The following MACROD2 variants were observed in gnomAD, a reference collection of about 807,000 sequenced individuals.
MACROD2 encodes mono-ADP ribosylhydrolase 2.
A neutral mutation model predicts 70.4 loss-of-function variants in MACROD2; 36 were observed. The ratio of observed to expected loss-of-function variants is 0.51; its 90% CI spans 0.39 to 0.68. The LOEUF is 0.68. Among genes scored for constraint, MACROD2 ranks in the 30% least tolerant of loss-of-function variants. The pLI, the probability that MACROD2 is intolerant of heterozygous loss-of-function variation, is 0.00. For synonymous variants in MACROD2, 172 were observed against 178.8 expected (o/e 0.96, Z 0.30); for missense variants, 496 against 538.4 (o/e 0.92, Z 0.78).
At chr20:14,864,075 A>G (rs892850456) in intron 5 of MACROD2, among the ~76,000 whole-genome samples, 2 of 152,066 alleles carry the variant, frequency 1.3e-5, no homozygotes, top group African/African-American at 4.8e-5. Context: ...TTAGGTGTCC[A>G]TTTTCTAAAA....
chr20:14,012,088 G>C (rs911579261), intron 2 of MACROD2, among the ~76,000 whole-genome samples: 1 of 151,888 alleles, frequency 6.6e-6, no homozygotes, highest in Non-Finnish European at 1.5e-5. Context: ...TGTATTTTTA[G>C]TAGAGATGGG....
At chr20:14,082,572 A>G (rs530610311) in intron 2 of MACROD2, among the ~76,000 whole-genome samples, 5 of 152,280 alleles carry the variant, frequency 3.3e-5, no homozygotes, top group South Asian at 2.1e-4. Context: ...TAAAAATTCT[A>G]TCACTGCAAA....
intron 8 of MACROD2, among the ~76,000 whole-genome samples, chr20:15,672,553 G>T (rs2049995574): frequency 6.6e-6 from 1 of 152,024 alleles, no homozygotes; most frequent in Non-Finnish European, 1.5e-5. Context: ...CTCACTCCAG[G>T]TTCTTCAGAT....
intron 5 of MACROD2, among the ~76,000 whole-genome samples, chr20:14,727,935 T>A (rs2063371600): frequency 6.6e-6 from 1 of 152,208 alleles, no homozygotes; most frequent in Non-Finnish European, 1.5e-5. Context: ...TTAAAGGCTC[T>A]TGTGCAATCC....
intron 5 of MACROD2, among the ~76,000 whole-genome samples, chr20:14,885,423 C>A (rs1013485995): frequency 2.0e-5 from 3 of 152,156 alleles, no homozygotes; most frequent in African/African-American, 7.2e-5. Context: ...TGAGTGCCAT[C>A]ACCTCTACTC....
At chr20:15,036,144 T>C in intron 5 of MACROD2, among the ~76,000 whole-genome samples, 1 of 152,176 alleles carries the variant, frequency 6.6e-6, no homozygotes, top group Non-Finnish European at 1.5e-5. Flanking sequence ...TTAGTTCTAA[T>C]AGATTTCTTT....
At chr20:15,600,650 G>T (rs1210891713) in intron 8 of MACROD2, among the ~76,000 whole-genome samples, 2 of 152,140 alleles carry the variant, frequency 1.3e-5, no homozygotes, top group African/African-American at 4.8e-5. Context: ...AAAAGCCTGG[G>T]GAGGAAGGTA....
chr20:14,215,070 C>CTA (rs1026518771), intron 3 of MACROD2, among the ~76,000 whole-genome samples: 8 of 1,130 alleles, frequency 7.1e-3, no homozygotes, highest in Admixed American at 0.037. Context: ...CATCATATAT[C>CTA]TATTCCATCA....
intron 5 of MACROD2, among the ~76,000 whole-genome samples, chr20:14,738,317 G>T (rs1600607570): frequency 6.6e-6 from 1 of 152,060 alleles, no homozygotes; most frequent in Admixed American, 6.6e-5. Context: ...CGATCATAAA[G>T]AACAACTTTG....
chr20:15,487,136 T>G (rs564964094), intron 7 of MACROD2, among the ~76,000 whole-genome samples: 3 of 152,246 alleles, frequency 2.0e-5, no homozygotes, highest in Non-Finnish European at 4.4e-5. Context: ...GCAAGTCAGA[T>G]GGCCAAAGTC....
intron 6 of MACROD2, among the ~76,000 whole-genome samples, chr20:15,271,382 C>G (rs2077344801): frequency 1.3e-5 from 2 of 152,174 alleles, no homozygotes; most frequent in African/African-American, 4.8e-5. Flanking sequence ...CTCCTAATAC[C>G]ATCAACTTGG....
intron 3 of MACROD2, among the ~76,000 whole-genome samples, chr20:14,332,269 C>A (rs1043561277): frequency 1.3e-5 from 2 of 151,556 alleles, no homozygotes; most frequent in African/African-American, 4.9e-5. Flanking sequence ...CATGATACAC[C>A]CAATAAAACA....
At chr20:14,762,927 C>T (rs1344764419) in intron 5 of MACROD2, among the ~76,000 whole-genome samples, 1 of 151,804 alleles carries the variant, frequency 6.6e-6, no homozygotes, top group Non-Finnish European at 1.5e-5. Context: ...AAGATTCCGT[C>T]TCAAAAAACA....
intron 5 of MACROD2, among the ~76,000 whole-genome samples, chr20:14,899,192 C>T (rs756490560): frequency 3.9e-5 from 6 of 152,124 alleles, no homozygotes; most frequent in Admixed American, 2.0e-4. Context: ...ATTTGCCTTA[C>T]GTCTCAACTC....
At chr20:14,664,105 C>A (rs1262391279) in intron 4 of MACROD2, among the ~76,000 whole-genome samples, 1 of 151,924 alleles carries the variant, frequency 6.6e-6, no homozygotes, top group South Asian at 2.1e-4. Context: ...TTCTTCTTTT[C>A]CATTACTAAT....
intron 5 of MACROD2, among the ~76,000 whole-genome samples, chr20:14,970,912 C>T (rs1382397290): frequency 6.6e-6 from 1 of 152,038 alleles, no homozygotes; most frequent in Admixed American, 6.6e-5. Context: ...CCACCATGCT[C>T]AGCAAAAAAA....
At chr20:14,187,090 C>T (rs1190933744) in intron 3 of MACROD2, among the ~76,000 whole-genome samples, 2 of 149,298 alleles carry the variant, frequency 1.3e-5, no homozygotes, top group Admixed American at 6.7e-5. Flanking sequence ...TGCGCGTGTA[C>T]CCCGAACCTA....
At chr20:15,441,646 G>T (rs1332849828) in intron 7 of MACROD2, among the ~76,000 whole-genome samples, 1 of 152,022 alleles carries the variant, frequency 6.6e-6, no homozygotes, top group Non-Finnish European at 1.5e-5. Flanking sequence ...AAATAATTAA[G>T]TGATTCAAAA....
At chr20:15,749,077 C>A (rs1457545768) in intron 8 of MACROD2, among the ~76,000 whole-genome samples, 1 of 152,108 alleles carries the variant, frequency 6.6e-6, no homozygotes, top group Non-Finnish European at 1.5e-5. Flanking sequence ...GTCTCCATGA[C>A]ATTTTTATAT....
Sources: allele counts gnomAD v4.1 joint callset (sites outside exome capture counted in the v4.1 genomes callset), GRCh38; gene constraint gnomAD v4.1.1; transcripts MANE v1.5; gene names NCBI Gene and HGNC (gene_info 2026-07-23, HGNC 2026-07-21).